The following PTPRT variants were observed in gnomAD, a reference collection of about 807,000 sequenced individuals.
PTPRT encodes the protein protein tyrosine phosphatase receptor type T, also known as receptor-type tyrosine-protein phosphatase T.
PTPRT carries 56 observed loss-of-function variants against 176.8 expected under a neutral mutation model. The ratio of observed to expected loss-of-function variants is 0.32; its 90% CI spans 0.26 to 0.40. The LOEUF (loss-of-function observed/expected upper bound fraction) is 0.40. Ranked by LOEUF, PTPRT falls within the 10% of genes least tolerant of loss-of-function variation. The pLI, the probability that PTPRT is intolerant of heterozygous loss-of-function variation, is 1.00. For missense variants in PTPRT, 1,540 were observed against 1,908.2 expected (o/e 0.81, Z 3.60); for synonymous variants, 783 against 739.0 (o/e 1.06, Z -0.96).
At chr20:42,343,667 T>A (rs187957832) in intron 11 of PTPRT, among the ~76,000 whole-genome samples, 17 of 152,334 alleles carry the variant, frequency 1.1e-4, no homozygotes, top group Admixed American at 3.9e-4. Flanking sequence ...TGATTGTCTT[T>A]CCTATTTTTA....
At chr20:42,833,592 A>G (rs949402756) in intron 2 of PTPRT, among the ~76,000 whole-genome samples, 2 of 151,814 alleles carry the variant, frequency 1.3e-5, no homozygotes, top group Non-Finnish European at 2.9e-5. Flanking sequence ...CATTTAAGGA[A>G]AAAAAGACTA....
rs547899928 is a variant in PTPRT at position 42,117,717 on chromosome 20, G to A, written c.2982+686C>T. Among the ~76,000 whole-genome samples the A allele has an allele frequency of 2.8e-4, 42 of 152,262 alleles. No individual in the cohort carries two copies. The South Asian group carries it at 7.3e-3, about 26-fold the overall frequency. On this transcript the variant is annotated intron_variant, in intron 21 of 30. Coordinates refer to ENST00000373187, the MANE Select transcript of PTPRT (RefSeq NM_007050.6). ...GGAGGGAGGAGCTACGCTGCGGTGGGTAGAAGAGAACATGAGTGAAGAAAC... is the reference window on the plus strand; with the variant it reads ...GGAGGGAGGAGCTACGCTGCGGTGGATAGAAGAGAACATGAGTGAAGAAAC...
At chr20:43,170,579 C>T (rs929787900) in intron 1 of PTPRT, among the ~76,000 whole-genome samples, 4 of 152,200 alleles carry the variant, frequency 2.6e-5, no homozygotes, top group African/African-American at 9.7e-5. Flanking sequence ...CGTGAGTTAA[C>T]AATTCTCCAA....
chr20:42,561,938 C>G (rs866061182), intron 7 of PTPRT, among the ~76,000 whole-genome samples: 2 of 152,158 alleles, frequency 1.3e-5, no homozygotes, highest in Admixed American at 6.5e-5. Flanking sequence ...CTAGCTGTAC[C>G]TCCATCCGAT....
chr20:42,110,223 T>C, intron 23 of PTPRT, 110 bp downstream of exon 23: 1 of 1,038,036 alleles, frequency 9.6e-7, no homozygotes, highest in South Asian at 2.3e-5. Flanking sequence ...AGTTTTTGTA[T>C]CTTTCTTTAG....
At chr20:42,510,760 G>A (rs537835108) in intron 7 of PTPRT, among the ~76,000 whole-genome samples, 1 of 152,130 alleles carries the variant, frequency 6.6e-6, no homozygotes, top group African/African-American at 2.4e-5. Context: ...TCTATTCATC[G>A]TGCAGAATAA....
At chr20:42,436,662 C>T (rs1400318683) in intron 9 of PTPRT, among the ~76,000 whole-genome samples, 1 of 152,098 alleles carries the variant, frequency 6.6e-6, no homozygotes, top group East Asian at 1.9e-4. Flanking sequence ...TACCATCTGA[C>T]CTAGTTTCTA....
intron 13 of PTPRT, among the ~76,000 whole-genome samples, chr20:42,251,668 G>A (rs1389252151): frequency 6.6e-6 from 1 of 151,048 alleles, no homozygotes; most frequent in Non-Finnish European, 1.5e-5. Context: ...GCATATGGGA[G>A]CAGCAGGAGA....
chr20:42,339,396 A>G (rs534547091), intron 11 of PTPRT, among the ~76,000 whole-genome samples: 61 of 152,324 alleles, frequency 4.0e-4, no homozygotes, highest in African/African-American at 1.4e-3. Flanking sequence ...TTTAGGAGCT[A>G]AAACTGGTTA....
intron 23 of PTPRT, 35 bp from the exon 24 acceptor site, chr20:42,106,956 CATGG>C: frequency 6.2e-7 from 1 of 1,604,676 alleles, no homozygotes; most frequent in Non-Finnish European, 8.5e-7. Context: ...TAAGGATCTT[CATGG>C]GGGGAACCTG....
chr20:42,472,247 G>T lies in PTPRT; in HGVS notation c.1450+19C>A, dbSNP rs762955886. 4.4e-6 allele frequency: 7 copies of T among 1,608,472 alleles called. No individual in the cohort carries two copies. The highest frequency in any genetic ancestry group is 5.1e-6 in the Non-Finnish European group (6 of 1,176,586). On this transcript the variant is annotated intron_variant, in intron 8 of 30. Transcript: ENST00000373187. ...ATTCAATATCCCCATTCCCATGTAA[G>T]CTCTCCTCCCTTGCTCACCGTCTTC...
chr20:42,238,107 T>A (rs540779226), intron 14 of PTPRT, among the ~76,000 whole-genome samples: 1 of 152,290 alleles, frequency 6.6e-6, no homozygotes, highest in African/African-American at 2.4e-5. Flanking sequence ...ACCATTACCC[T>A]CGTTTTATAA....
intron 15 of PTPRT, among the ~76,000 whole-genome samples, chr20:42,206,631 T>C (rs2055472437): frequency 6.6e-6 from 1 of 152,188 alleles, no homozygotes; most frequent in Non-Finnish European, 1.5e-5. Flanking sequence ...TGGAGGGTCC[T>C]ACGCCCACGG....
chr20:42,192,190 A>G (rs1181734550), intron 16 of PTPRT, among the ~76,000 whole-genome samples: 1 of 152,158 alleles, frequency 6.6e-6, no homozygotes, highest in African/African-American at 2.4e-5. Context: ...CATCAAGTCA[A>G]GAGTTTTTGC....
At chr20:43,135,137 T>C (rs869887) in intron 1 of PTPRT, among the ~76,000 whole-genome samples, 1,948 of 152,288 alleles carry the variant, frequency 0.013, 18 homozygotes, top group East Asian at 0.043. Flanking sequence ...GGGTTTTTTG[T>C]GTTTTAAAAT....
chr20:42,657,550 T>C (rs1331592397), intron 7 of PTPRT, among the ~76,000 whole-genome samples: 5 of 151,796 alleles, frequency 3.3e-5, no homozygotes, highest in Non-Finnish European at 1.5e-5. Flanking sequence ...GTTGATGGCA[T>C]TTATTAGTAT....
chr20:42,256,663 G>A (rs1356828289), intron 13 of PTPRT, among the ~76,000 whole-genome samples: 3 of 125,394 alleles, frequency 2.4e-5, no homozygotes, highest in African/African-American at 9.2e-5. Context: ...ACATCAGACA[G>A]CATTCAACCA....
chr20:42,855,890 C>A (rs1266083987), intron 2 of PTPRT, among the ~76,000 whole-genome samples: 1 of 152,166 alleles, frequency 6.6e-6, no homozygotes, highest in Non-Finnish European at 1.5e-5. Context: ...TGGATTGACT[C>A]CTTCCCTAAA....
intron 7 of PTPRT, among the ~76,000 whole-genome samples, chr20:42,481,279 G>A (rs2071379984): frequency 6.6e-6 from 1 of 152,044 alleles, no homozygotes; most frequent in African/African-American, 2.4e-5. Flanking sequence ...TTAGGCAGCC[G>A]GCAATCCTCC....
Sources: allele counts gnomAD v4.1 joint callset (sites outside exome capture counted in the v4.1 genomes callset), GRCh38; gene constraint gnomAD v4.1.1; transcripts MANE v1.5; gene names NCBI Gene and HGNC (gene_info 2026-07-23, HGNC 2026-07-21).